The following NDUFAF5 variants were observed in gnomAD, a reference collection of about 807,000 sequenced individuals.
The protein encoded by NDUFAF5 is arginine-hydroxylase NDUFAF5, mitochondrial.
NDUFAF5 carries 34 observed loss-of-function variants against 48.9 expected under a neutral mutation model. The ratio of observed to expected loss-of-function variants is 0.70; its 90% CI spans 0.53 to 0.93. NDUFAF5 has a LOEUF of 0.93. Among genes scored for constraint, NDUFAF5 ranks in the 40% least tolerant of loss-of-function variants. NDUFAF5 has a pLI of 0.00. For synonymous variants in NDUFAF5, 153 were observed against 150.6 expected, an observed-to-expected ratio of 1.02 and a Z score of -0.12; for missense variants, 428 against 427.5, an observed-to-expected ratio of 1.00 and a Z score of -0.01.
chr20:13,798,601 G>C (rs1400919570), intron 6 of NDUFAF5, 101 bp downstream of exon 6: 1 of 955,814 alleles, frequency 1.0e-6, no homozygotes, highest in Non-Finnish European at 1.7e-6. Flanking sequence ...TTGTAGGTCT[G>C]ACAGTTGGGA....
intron 7 of NDUFAF5, among the ~76,000 whole-genome samples, chr20:13,808,395 A>T (rs1033625846): frequency 6.6e-6 from 1 of 152,120 alleles, no homozygotes; most frequent in African/African-American, 2.4e-5. Context: ...AAACAAGCCT[A>T]TTGGCTGCAT....
intron 8 of NDUFAF5, among the ~76,000 whole-genome samples, chr20:13,809,260 C>T (rs1457603744): frequency 6.6e-6 from 1 of 152,132 alleles, no homozygotes; most frequent in East Asian, 1.9e-4. Flanking sequence ...CCTTCAGCCA[C>T]ACTTGGCAGC....
rs1391807282 is a variant in NDUFAF5, at chr20:13,817,553, T to G, written c.*343T>G. On this transcript the variant is annotated 3_prime_UTR_variant, in exon 11 of 11. Transcript: ENST00000378106. ...TTTTCATTTGTCATACTGTTTTCTT[T>G]GCCTTGAAGAGGAACAGATGAATAT... 4 of 468,268 alleles carry G rather than the reference T, an allele frequency of 8.5e-6. No individual in the cohort carries two copies. The highest frequency in any genetic ancestry group is 7.9e-5 in the African/African-American group (4 of 50,674). The allele number at this position is 468,268 out of a possible 1,614,324, so 29.0% of individuals were successfully genotyped here. A position where few individuals can be genotyped will look rare whatever the true frequency, so the allele number is the denominator to read the frequency against.
chr20:13,801,997 A>G (rs1984236780), intron 7 of NDUFAF5: 1 of 304,730 alleles, frequency 3.3e-6, no homozygotes, highest in Non-Finnish European at 6.2e-6. Context: ...TTAGGTGTAA[A>G]AAGGGCCTTA....
At chr20:13,789,238 C>T (rs1981793790) in intron 3 of NDUFAF5, among the ~76,000 whole-genome samples, 1 of 151,976 alleles carries the variant, frequency 6.6e-6, no homozygotes, top group Non-Finnish European at 1.5e-5. Flanking sequence ...GATCTCGGCT[C>T]ACTGCAACCT....
intron 3 of NDUFAF5, 130 bp from the exon 4 acceptor site, chr20:13,793,050 C>T: frequency 1.1e-6 from 1 of 932,276 alleles, no homozygotes; most frequent in Middle Eastern, 3.0e-4. Flanking sequence ...GTGTACCATA[C>T]TGGTTTTATG....
In NDUFAF5 at chr20:13,816,880, T is replaced by G; in HGVS notation, c.868T>G (p.Tyr290Asp). 1 of 1,604,458 alleles carries G rather than the reference T, an allele frequency of 6.2e-7. No individual in the cohort carries two copies. The highest frequency in any genetic ancestry group is 8.5e-7 in the Non-Finnish European group (1 of 1,171,222). The part of the protein sequence containing the change: ...LAAAAVYREM[Y>D]RNEDGSVPAT... ...AACCATTATTGTCTTTTTAGAAATG[T>G]ACAGAAATGAAGATGGTTCAGTACC... The change falls in exon 10 of 11, where the codon TAC becomes GAC. Residue 290 changes from tyrosine to aspartate, a missense_variant. By Grantham distance (160) the Tyr-to-Asp change is radical. Transcript: ENST00000378106.
intron 4 of NDUFAF5, 96 bp from the exon 5 acceptor site, chr20:13,794,742 A>G: frequency 2.4e-6 from 2 of 847,308 alleles, no homozygotes. Flanking sequence ...CTGCCAAGTA[A>G]ATATAACATT....
intron 5 of NDUFAF5, among the ~76,000 whole-genome samples, chr20:13,797,919 A>G (rs1295867660): frequency 6.6e-6 from 1 of 152,208 alleles, no homozygotes; most frequent in Non-Finnish European, 1.5e-5. Flanking sequence ...ATAAAGTCTT[A>G]AAAATTGATT....
In NDUFAF5 at chr20:13,818,950, TA is replaced by T. The variant is rs1447578284; in HGVS notation, c.*1742del. ...AGCAAGAATATTACTTTTGCTTATT[TA>T]ATGTCAACGGAATTATATGTGGATG... On this transcript the variant is annotated 3_prime_UTR_variant, in exon 11 of 11. Transcript: ENST00000378106. The T allele has an allele frequency of 1.3e-5, 2 of 152,242 alleles. No individual in the cohort carries two copies. The highest frequency in any genetic ancestry group is 2.9e-5 in the Non-Finnish European group (2 of 68,062). The allele number at this position is 152,242 out of a possible 1,614,324, so 9.4% of individuals were successfully genotyped here. A position where few individuals can be genotyped will look rare whatever the true frequency, so the allele number is the denominator to read the frequency against.
intron 8 of NDUFAF5, among the ~76,000 whole-genome samples, chr20:13,815,596 CTG>C (rs1225180623): frequency 6.6e-6 from 1 of 152,084 alleles, no homozygotes; most frequent in Non-Finnish European, 1.5e-5. Context: ...TATTTTTAAA[CTG>C]TGAAAGAATA....
chr20:13,815,956 T>C (rs1986408811), intron 8 of NDUFAF5: 2 of 160,908 alleles, frequency 1.2e-5, no homozygotes, highest in South Asian at 3.5e-4. Flanking sequence ...TAGTAAAATA[T>C]TGTAAATCTG....
At chr20:13,800,546 T>C (rs566525805) in intron 6 of NDUFAF5, among the ~76,000 whole-genome samples, 9 of 152,250 alleles carry the variant, frequency 5.9e-5, no homozygotes, top group Non-Finnish European at 1.3e-4. Flanking sequence ...TCTCTGGCCA[T>C]TATTTTCCTT....
chr20:13,806,821 T>C (rs183247786), intron 7 of NDUFAF5, among the ~76,000 whole-genome samples: 1 of 152,222 alleles, frequency 6.6e-6, no homozygotes, highest in Admixed American at 6.5e-5. Flanking sequence ...CTGATACACG[T>C]ATATGTTTTT....
intron 3 of NDUFAF5, among the ~76,000 whole-genome samples, chr20:13,791,158 G>A (rs1982219306): frequency 6.6e-6 from 1 of 152,186 alleles, no homozygotes; most frequent in African/African-American, 2.4e-5. Flanking sequence ...GATATGTTGA[G>A]TTTGAGATGG....
At position 13,795,612 on chromosome 20, in the gene NDUFAF5, A is replaced by T. The variant is rs1208610681; in HGVS notation, c.479+671A>T. 3.9e-5 allele frequency among the ~76,000 whole-genome samples: 6 copies of T among 152,166 alleles called. 1 individual carries two copies. The South Asian group carries it at 1.2e-3, about 32-fold the overall frequency. On this transcript the variant is annotated intron_variant, in intron 5 of 10. Transcript: ENST00000378106. ...AGTAACAGGACTGCTTGAACCCAGG[A>T]GTTCGAGACCAGCCTGGGCAACATA... is the stretch of plus-strand genomic sequence containing the variant.
rs918490091 is a variant in NDUFAF5 at position 13,820,281 on chromosome 20, A to G, written c.*3071A>G. On this transcript the variant is annotated 3_prime_UTR_variant, in exon 11 of 11. Coordinates refer to ENST00000378106, the MANE Select transcript of NDUFAF5 (RefSeq NM_024120.5). ...ATGTGATATGATTGTAAAAAGTTAC[A>G]GAAGTGTGTGAGTCATGAAGTACCT... The G allele has an allele frequency of 6.6e-6, 1 of 152,348 alleles. No homozygotes were observed. The highest frequency in any genetic ancestry group is 2.1e-4 in the South Asian group (1 of 4,830). 9.4% of individuals were successfully genotyped at this position (152,348 alleles called of 1,614,324 possible). A position where few individuals can be genotyped will look rare whatever the true frequency, so the allele number is the denominator to read the frequency against.
At chr20:13,790,803 A>G (rs1261401720) in intron 3 of NDUFAF5, among the ~76,000 whole-genome samples, 2 of 152,086 alleles carry the variant, frequency 1.3e-5, no homozygotes. Context: ...TCCCCAAGGT[A>G]TCTGTGTGTC....
At chr20:13,804,252 G>A (rs780769888) in intron 7 of NDUFAF5, among the ~76,000 whole-genome samples, 3 of 152,040 alleles carry the variant, frequency 2.0e-5, no homozygotes, top group South Asian at 4.1e-4. Context: ...ATAACCCATC[G>A]TAGAATAAGA....
Sources: gnomAD v4.1 joint callset for allele counts (sites outside exome capture counted in the v4.1 genomes callset) on GRCh38, gnomAD v4.1.1 for gene constraint, MANE v1.5 for transcripts, NCBI Gene and HGNC (gene_info 2026-07-23, HGNC 2026-07-21) for gene names.